REEP1: variants seen among roughly 807,000 people sequenced by gnomAD.
REEP1 encodes the protein receptor expression-enhancing protein 1.
REEP1 carries 22 observed loss-of-function variants against 40.3 expected under a neutral mutation model. The ratio of observed to expected loss-of-function variants is 0.55; its 90% CI spans 0.39 to 0.78. The LOEUF is 0.78. REEP1 is among the 30% of genes least tolerant of loss of function. The pLI is 0.00. For missense variants in REEP1, 280 were observed against 361.1 expected (o/e 0.78, Z 1.82); for synonymous variants, 116 against 139.2 (o/e 0.83, Z 1.17).
chr2:86,302,636 T>A (rs1232663441), intron 1 of REEP1, among the ~76,000 whole-genome samples: 3 of 152,106 alleles, frequency 2.0e-5, no homozygotes, highest in Non-Finnish European at 2.9e-5. Flanking sequence ...AAGAAAGAAT[T>A]GGCTATAAAA....
intron 5 of REEP1, 95 bp from the exon 6 acceptor site, chr2:86,232,897 G>T: frequency 8.0e-7 from 1 of 1,244,028 alleles, no homozygotes; most frequent in Non-Finnish European, 1.1e-6. Flanking sequence ...TCAGCCAGGT[G>T]GAAATCAAGA....
intron 1 of REEP1, among the ~76,000 whole-genome samples, chr2:86,330,635 G>A (rs148440262): frequency 3.6e-4 from 54 of 151,784 alleles, no homozygotes; most frequent in Non-Finnish European, 6.5e-4. Flanking sequence ...TTGTAGAGAT[G>A]GGGTTTTGCC....
intron 1 of REEP1, among the ~76,000 whole-genome samples, chr2:86,285,913 A>G (rs12623755): frequency 0.036 from 5,517 of 152,236 alleles, 216 homozygotes; most frequent in East Asian, 0.22. Flanking sequence ...GCTCAAGCAG[A>G]GGGAAGATGG....
At chr2:86,298,742 T>C (rs929397284) in intron 1 of REEP1, among the ~76,000 whole-genome samples, 2 of 152,196 alleles carry the variant, frequency 1.3e-5, no homozygotes, top group Admixed American at 1.3e-4. Context: ...GCCAGCAGAA[T>C]AGTCATGGAC....
In REEP1 at chr2:86,229,092, C is replaced by A. The variant is rs964373583; in HGVS notation, c.596-1694G>T. The stretch of plus-strand genomic sequence containing the variant: ...TCCAGGTTGTCTTCAACCCCTGCCA[C>A]CTGTCCAGGGTTTGCAAATTCTCTG... On this transcript the variant is annotated intron_variant, in intron 6 of 8. Coordinates refer to ENST00000538924, the MANE Select transcript of REEP1 (RefSeq NM_001371279.1). 2.6e-5 allele frequency among the ~76,000 whole-genome samples: 4 copies of A among 152,210 alleles called. No homozygotes were observed. The East Asian group carries it at 7.7e-4, about 29-fold the overall frequency.
intron 2 of REEP1, among the ~76,000 whole-genome samples, chr2:86,271,889 C>T (rs1323211023): frequency 1.3e-5 from 2 of 152,124 alleles, no homozygotes; most frequent in Non-Finnish European, 2.9e-5. Flanking sequence ...TGTTTTGGGT[C>T]TTCAATTAGA....
intron 1 of REEP1, among the ~76,000 whole-genome samples, chr2:86,283,219 TG>T (rs1315000334): frequency 1.3e-5 from 2 of 152,206 alleles, no homozygotes; most frequent in African/African-American, 4.8e-5. Flanking sequence ...GGGCAGATAA[TG>T]GATCTGTTTT....
intron 2 of REEP1, among the ~76,000 whole-genome samples, chr2:86,274,888 C>T (rs756606390): frequency 2.0e-4 from 30 of 152,254 alleles, no homozygotes; most frequent in Middle Eastern, 3.4e-3. Flanking sequence ...TAGGAAGCGG[C>T]CTGGAGACTT....
At chr2:86,302,269 G>C (rs964306956) in intron 1 of REEP1, among the ~76,000 whole-genome samples, 2 of 152,180 alleles carry the variant, frequency 1.3e-5, no homozygotes, top group Admixed American at 1.3e-4. Context: ...GGCTGCAATG[G>C]GACAGGTTTT....
In REEP1 at chr2:86,229,703, C is replaced by T. The variant is rs187407808; in HGVS notation, c.596-2305G>A. Among the ~76,000 whole-genome samples the T allele has an allele frequency of 4.0e-5, 6 of 150,938 alleles. No homozygotes were observed. The East Asian group carries it at 5.9e-4, about 15-fold the overall frequency. ...CATCTCACTGCAACCTCCGCCTCCC[C>T]GATTCAAGCGATTCTCCTGCCTCAG... On this transcript the variant is annotated intron_variant, in intron 6 of 8. Coordinates refer to ENST00000538924, the MANE Select transcript of REEP1 (RefSeq NM_001371279.1).
chr2:86,258,373 G>A (rs931732296), intron 3 of REEP1, among the ~76,000 whole-genome samples: 4 of 152,206 alleles, frequency 2.6e-5, no homozygotes, highest in African/African-American at 9.7e-5. Flanking sequence ...TCATGCTAAT[G>A]GCAGAGTTGA....
At chr2:86,221,529 C>T (rs957564814) in intron 7 of REEP1, among the ~76,000 whole-genome samples, 7 of 152,156 alleles carry the variant, frequency 4.6e-5, no homozygotes, top group Non-Finnish European at 1.0e-4. Flanking sequence ...AGGGAGCCCT[C>T]GCTGAATACT....
At position 86,232,699 on chromosome 2, in the gene REEP1, C is replaced by A; in HGVS notation, c.521G>T (p.Gly174Val). The A allele has an allele frequency of 6.2e-7, 1 of 1,611,610 alleles. No homozygotes were observed. Among genetic ancestry groups the A allele is most frequent in the Non-Finnish European group, 8.5e-7 (1 of 1,179,998 alleles). Residue 174 changes from glycine to valine, a missense_variant, in exon 6 of 9, where the codon GGG becomes GTG. Transcript: ENST00000538924. ...GTGTTTGCCGCTGGCCCGCCCAGAC[C>A]CCGGTGGTGGGGGGCCCGAGGGAGC... ...APAPSGPPPP[G>V]SGRASGKHGQ... is the part of the protein sequence containing the mutation.
At chr2:86,245,650 C>A (rs1675898279) in intron 5 of REEP1, among the ~76,000 whole-genome samples, 1 of 152,116 alleles carries the variant, frequency 6.6e-6, no homozygotes, top group African/African-American at 2.4e-5. Context: ...TTGCAACTGG[C>A]CCCCTGGCTC....
intron 5 of REEP1, among the ~76,000 whole-genome samples, chr2:86,244,079 C>T (rs1675806504): frequency 1.3e-5 from 2 of 152,156 alleles, no homozygotes; most frequent in Admixed American, 1.3e-4. Context: ...AAAATCAATG[C>T]CTGCCCTCTG....
At chr2:86,278,808 C>A (rs977875898) in intron 2 of REEP1, among the ~76,000 whole-genome samples, 1 of 152,190 alleles carries the variant, frequency 6.6e-6, no homozygotes, top group Non-Finnish European at 1.5e-5. Context: ...GTCAGCACCA[C>A]CCAGCCTCCT....
chr2:86,305,170 G>A lies in REEP1; in HGVS notation c.33-22928C>T, dbSNP rs116424816. ...GACACAGAAGCTGTGTGGGTTCTGC[G>A]CCCTCATGAGGCCCAGATGGTCCCT... On this transcript the variant is annotated intron_variant, in intron 1 of 8. Transcript: ENST00000538924. Among the ~76,000 whole-genome samples, 1,137 of 152,268 alleles carry A rather than the reference G, an allele frequency of 7.5e-3. 21 individuals carry two copies. The highest frequency in any genetic ancestry group is 0.025 in the African/African-American group (1,043 of 41,550).
chr2:86,225,975 A>C (rs1674659172), intron 7 of REEP1, among the ~76,000 whole-genome samples: 1 of 152,132 alleles, frequency 6.6e-6, no homozygotes, highest in African/African-American at 2.4e-5. Context: ...TGTGGCTCCA[A>C]CAAGCCATCA....
At chr2:86,261,535 C>T (rs921223244) in intron 3 of REEP1, among the ~76,000 whole-genome samples, 14 of 152,144 alleles carry the variant, frequency 9.2e-5, no homozygotes, top group African/African-American at 2.4e-4. Flanking sequence ...GAAGGCAGCA[C>T]GCTCTTTAAG....
Sources: gnomAD v4.1 joint callset for allele counts (sites outside exome capture counted in the v4.1 genomes callset) on GRCh38, gnomAD v4.1.1 for gene constraint, MANE v1.5 for transcripts, NCBI Gene and HGNC (gene_info 2026-07-23, HGNC 2026-07-21) for gene names.